The following WWP1 variants were observed in gnomAD, a reference collection of about 807,000 sequenced individuals.
WWP1 encodes NEDD4-like E3 ubiquitin-protein ligase WWP1.
In WWP1, 49 loss-of-function variants were observed where a neutral mutation model predicts 130.6. That is an observed-to-expected ratio of 0.38 (90% CI 0.30 to 0.48). The LOEUF is 0.48. WWP1 is among the 20% of genes least tolerant of loss of function. WWP1 has a pLI of 0.99. For missense variants in WWP1, 809 were observed against 1,100.6 expected (o/e 0.74, Z 3.75); for synonymous variants, 332 against 367.8 (o/e 0.90, Z 1.11).
At chr8:86,414,247 GTA>G (rs772630419) in intron 9 of WWP1, among the ~76,000 whole-genome samples, 8,093 of 149,316 alleles carry the variant, frequency 0.054, 290 homozygotes, top group Non-Finnish European at 0.086. Flanking sequence ...GTGTGTGTGT[GTA>G]TGTGTGTGTA....
chr8:86,448,159 T>C lies in WWP1; in HGVS notation c.2010T>C (p.His670=). 1.9e-6 allele frequency: 3 copies of C among 1,555,826 alleles called. No individual in the cohort carries two copies. The highest frequency in any genetic ancestry group is 2.6e-6 in the Non-Finnish European group (3 of 1,164,578). ...ATTTTTCTTTGCAGGCACTATTTCA[T>C]GGAAAGTTTATCGATACTGGTTTCT... ...IGRFIAMALF[H]GKFIDTGFSL... Residue 670 remains histidine (H), a synonymous_variant, in exon 19 of 25, where the codon CAT becomes CAC. Transcript: ENST00000517970.
intron 1 of WWP1, among the ~76,000 whole-genome samples, chr8:86,362,290 A>T (rs984570113): frequency 1.4e-5 from 2 of 147,064 alleles, no homozygotes; most frequent in African/African-American, 5.0e-5. Flanking sequence ...CACATGGTAA[A>T]TTGATATACT....
chr8:86,436,070 G>A (rs779260243), intron 16 of WWP1, among the ~76,000 whole-genome samples: 16 of 151,988 alleles, frequency 1.1e-4, no homozygotes, highest in South Asian at 4.1e-4. Flanking sequence ...GCAAAACACC[G>A]GCATCTTACA....
chr8:86,397,972 A>G (rs945987824), intron 5 of WWP1, among the ~76,000 whole-genome samples: 1 of 152,214 alleles, frequency 6.6e-6, no homozygotes, highest in Non-Finnish European at 1.5e-5. Context: ...TACACAGCCA[A>G]TAAGTAGCAG....
In WWP1 at chr8:86,373,930, T is replaced by A. The variant is rs550980534; in HGVS notation, c.-21-100T>A. The A allele has an allele frequency of 7.1e-6, 6 of 843,510 alleles. No homozygotes were observed. The African/African-American group carries it at 1.1e-4, about 15-fold the overall frequency. The allele number at this position is 843,510 out of a possible 1,614,324, so 52.3% of individuals were successfully genotyped here. A position where few individuals can be genotyped will look rare whatever the true frequency, so the allele number is the denominator to read the frequency against. ...ATAGGCTTGATAATTTTCATGTACT[T>A]TTTGAGAACTTCTTAGTTGATTTAA... On this transcript the variant is annotated intron_variant, in intron 2 of 24. Transcript: ENST00000517970.
At chr8:86,420,387 T>TA (rs1452948828) in intron 9 of WWP1, among the ~76,000 whole-genome samples, 1 of 152,126 alleles carries the variant, frequency 6.6e-6, no homozygotes, top group Non-Finnish European at 1.5e-5. Context: ...TAGTATTTTT[T>TA]AAAAAAAGAA....
intron 10 of WWP1, among the ~76,000 whole-genome samples, chr8:86,427,305 T>G (rs372834946): frequency 6.6e-6 from 1 of 152,136 alleles, no homozygotes; most frequent in Non-Finnish European, 1.5e-5. Context: ...CTAGATGATG[T>G]GTTGATAGCT....
intron 11 of WWP1, among the ~76,000 whole-genome samples, chr8:86,429,754 G>A (rs1308586780): frequency 6.6e-6 from 1 of 152,098 alleles, no homozygotes; most frequent in African/African-American, 2.4e-5. Context: ...TTTCCTATAT[G>A]TTCTTCTCCC....
rs570843469 is a variant in WWP1, at chr8:86,376,908, T to C, written c.70+2788T>C. ...TTTTAAAATAAAAGTCACCTTAAAATTACCAGTCTTACTGATCTCACAATA... is the reference window on the plus strand; with the variant it reads ...TTTTAAAATAAAAGTCACCTTAAAACTACCAGTCTTACTGATCTCACAATA... On this transcript the variant is annotated intron_variant, in intron 3 of 24. Transcript: ENST00000517970. Among the ~76,000 whole-genome samples the C allele has an allele frequency of 1.2e-3, 176 of 152,256 alleles. 1 individual carries two copies. Among genetic ancestry groups the C allele is most frequent in the African/African-American group, 4.0e-3 (167 of 41,554 alleles).
intron 14 of WWP1, 128 bp downstream of exon 14, chr8:86,431,871 C>A: frequency 8.5e-7 from 1 of 1,176,160 alleles, no homozygotes. Context: ...ACAAGTGAAA[C>A]CTTAGTATAG....
intron 8 of WWP1, among the ~76,000 whole-genome samples, chr8:86,406,582 A>G (rs1486203922): frequency 1.3e-5 from 2 of 152,190 alleles, no homozygotes; most frequent in African/African-American, 2.4e-5. Flanking sequence ...TTGTATAACT[A>G]TTTTGTACAA....
At chr8:86,458,457 CATTT>C (rs1183610110) in intron 22 of WWP1, among the ~76,000 whole-genome samples, 1 of 152,066 alleles carries the variant, frequency 6.6e-6, no homozygotes, top group African/African-American at 2.4e-5. Context: ...TGACTTTATT[CATTT>C]ATTTATGTAT....
chr8:86,409,704 T>C (rs1808480701), intron 8 of WWP1, among the ~76,000 whole-genome samples: 1 of 151,508 alleles, frequency 6.6e-6, no homozygotes, highest in African/African-American at 2.4e-5. Flanking sequence ...TACCAAAAAA[T>C]AGGAAAACTA....
In WWP1 at chr8:86,402,095, T is replaced by G. The variant is rs189923427; in HGVS notation, c.616T>G (p.Tyr206Asp). Residue 206 changes from tyrosine (Y) to aspartate (D), a missense_variant, in exon 8 of 25, where the codon TAT (tyrosine) becomes GAT (aspartate). Coordinates refer to ENST00000517970, the MANE Select transcript of WWP1 (RefSeq NM_007013.4). ...STLVQNSCCS[Y>D]VVNGDNTPSS... ...TCTAGTCCAAAACTCATGCTGCTCG[T>G]ATGTAGTTAATGGAGACAACACACC... The G allele has an allele frequency of 5.0e-6, 8 of 1,614,124 alleles. No individual in the cohort carries two copies. The East Asian group carries it at 1.8e-4, about 36-fold the overall frequency.
intron 3 of WWP1, among the ~76,000 whole-genome samples, chr8:86,376,342 G>A (rs1247684844): frequency 6.6e-6 from 1 of 152,200 alleles, no homozygotes; most frequent in East Asian, 1.9e-4. Context: ...GCCGAGGCAG[G>A]TGGATCACGT....
chr8:86,441,518 T>G (rs994933189), intron 17 of WWP1, among the ~76,000 whole-genome samples: 4 of 152,212 alleles, frequency 2.6e-5, no homozygotes, highest in African/African-American at 7.2e-5. Flanking sequence ...CTTGATGACA[T>G]TTGAAAATCA....
rs779645144 is a variant in WWP1, at chr8:86,461,195, A to G, written c.2500-29A>G. Reference sequence around the variant, plus strand: ...ATGATTGAAGATAGTTTAGCATTTCATATTAAAGTACATTTAATTTCATTA... The same window carrying G: ...ATGATTGAAGATAGTTTAGCATTTCGTATTAAAGTACATTTAATTTCATTA... On this transcript the variant is annotated intron_variant, in intron 22 of 24. Coordinates refer to ENST00000517970, the MANE Select transcript of WWP1 (RefSeq NM_007013.4). 5.8e-6 allele frequency: 9 copies of G among 1,565,214 alleles called. No homozygotes were observed. In the African/African-American group the frequency reaches 8.1e-5, roughly 14 times the overall value.
intron 9 of WWP1, among the ~76,000 whole-genome samples, chr8:86,413,992 CTGTTGAGA>C (rs1014609700): frequency 2.0e-5 from 3 of 152,152 alleles, no homozygotes; most frequent in African/African-American, 7.2e-5. Context: ...AAACCTAATT[CTGTTGAGA>C]CCAGATAAAT....
At chr8:86,405,326 ATTTTTTTTTT>A (rs35346142) in intron 8 of WWP1, among the ~76,000 whole-genome samples, 2 of 128,916 alleles carry the variant, frequency 1.6e-5, no homozygotes, top group Non-Finnish European at 3.3e-5. Flanking sequence ...AACCAAAAGG[ATTTTTTTTTT>A]TTTTTTTTTT....
Sources: gnomAD v4.1 joint callset for allele counts (sites outside exome capture counted in the v4.1 genomes callset) on GRCh38, gnomAD v4.1.1 for gene constraint, MANE v1.5 for transcripts, NCBI Gene and HGNC (gene_info 2026-07-23, HGNC 2026-07-21) for gene names.